Variants in DGKI observed in about 807,000 individuals in gnomAD.
The protein encoded by DGKI is DAG kinase iota.
Under a neutral mutation model 147.5 loss-of-function variants are expected in DGKI, and 55 were observed. The observed-to-expected ratio is 0.37, with a 90% confidence interval of 0.30 to 0.47. The LOEUF is 0.47. Among genes scored for constraint, DGKI ranks in the 20% least tolerant of loss-of-function variants. The pLI is 1.00. For missense variants in DGKI, 1,007 were observed against 1,323.8 expected (o/e 0.76, Z 3.71); for synonymous variants, 469 against 477.1 (o/e 0.98, Z 0.22).
chr7:137,528,864 T>C, intron 20 of DGKI, among the ~76,000 whole-genome samples: 1 of 152,170 alleles, frequency 6.6e-6, no homozygotes, highest in East Asian at 1.9e-4. Context: ...AGTCTAAATT[T>C]TCCTCTCTGC....
chr7:137,493,848 G>C, intron 21 of DGKI: 1 of 697,286 alleles, frequency 1.4e-6, no homozygotes, highest in Non-Finnish European at 2.6e-6. Context: ...TGAAATGACA[G>C]AAATAGAATC....
At chr7:137,520,240 G>A (rs78056004) in intron 21 of DGKI, among the ~76,000 whole-genome samples, 2,138 of 152,118 alleles carry the variant, frequency 0.014, 54 homozygotes, top group African/African-American at 0.047. Flanking sequence ...AGAGTTGATC[G>A]TAAGCTGCAA....
intron 12 of DGKI, among the ~76,000 whole-genome samples, chr7:137,590,079 C>A (rs1337097381): frequency 1.3e-5 from 2 of 148,946 alleles, no homozygotes; most frequent in Non-Finnish European, 3.0e-5. Flanking sequence ...AAAAAAAATA[C>A]AAAGTGGCAG....
intron 17 of DGKI, among the ~76,000 whole-genome samples, chr7:137,573,958 G>T (rs986032292): frequency 2.0e-4 from 31 of 152,198 alleles, no homozygotes; most frequent in Non-Finnish European, 3.2e-4. Context: ...GATGTCAAAG[G>T]CGTAAAGCCT....
rs115512526 is a variant in DGKI, at chr7:137,419,153, G to A, written c.2762-6946C>T. Among the ~76,000 whole-genome samples, 933 of 152,194 alleles carry A rather than the reference G, an allele frequency of 6.1e-3. 9 individuals are homozygous for A. Among genetic ancestry groups the A allele is most frequent in the African/African-American group, 0.022 (903 of 41,508 alleles). On this transcript the variant is annotated intron_variant, in intron 28 of 32. Transcript: ENST00000614521. ...CTGTTTCTCCTCTGTTTAACTTGGA[G>A]CAGGACAGCCAAAAATGAAAATAAC...
intron 20 of DGKI, among the ~76,000 whole-genome samples, chr7:137,542,766 T>C (rs1371953040): frequency 6.6e-6 from 1 of 152,172 alleles, no homozygotes; most frequent in Non-Finnish European, 1.5e-5. Context: ...ACTTTAAATA[T>C]TAAAAATAAA....
intron 29 of DGKI, among the ~76,000 whole-genome samples, chr7:137,408,614 T>A (rs1404052195): frequency 6.6e-6 from 1 of 152,164 alleles, no homozygotes; most frequent in Non-Finnish European, 1.5e-5. Flanking sequence ...AACCTTCTGT[T>A]AATCATCCAA....
intron 23 of DGKI, among the ~76,000 whole-genome samples, chr7:137,478,397 C>A (rs1278585237): frequency 6.6e-6 from 1 of 152,166 alleles, no homozygotes. Context: ...ATAATTCCTG[C>A]ATCACGTCTA....
chr7:137,504,035 A>C (rs1816280202), intron 21 of DGKI, among the ~76,000 whole-genome samples: 1 of 152,172 alleles, frequency 6.6e-6, no homozygotes, highest in Admixed American at 6.6e-5. Context: ...CAAGGAGATG[A>C]GGGGAATCAC....
chr7:137,539,145 G>A (rs939120994), intron 20 of DGKI, among the ~76,000 whole-genome samples: 7 of 152,252 alleles, frequency 4.6e-5, no homozygotes, highest in African/African-American at 1.7e-4. Context: ...CTAAAATTAG[G>A]AGGGAAGAGG....
intron 20 of DGKI, among the ~76,000 whole-genome samples, chr7:137,529,535 T>C (rs1817268353): frequency 6.6e-6 from 1 of 152,198 alleles, no homozygotes; most frequent in Non-Finnish European, 1.5e-5. Context: ...AGCAAAGGTA[T>C]AGAACAAGCA....
rs1813546884 is a variant in DGKI, at chr7:137,442,418, A to G, written c.2761+1659T>C. Among the ~76,000 whole-genome samples the G allele has an allele frequency of 2.0e-5, 3 of 152,204 alleles. No individual in the cohort carries two copies. The South Asian group carries it at 6.2e-4, about 32-fold the overall frequency. On this transcript the variant is annotated intron_variant, in intron 28 of 32. Transcript: ENST00000614521. ...TTCCCTCACCCACCATTTTTGTCTG[A>G]ATGAGGAATAAATTCTCATAGACAG...
intron 1 of DGKI, among the ~76,000 whole-genome samples, chr7:137,785,472 T>C (rs1351170961): frequency 2.6e-5 from 4 of 151,326 alleles, no homozygotes; most frequent in South Asian, 4.2e-4. Context: ...GTGATTGAAA[T>C]AGTAATGTAA....
chr7:137,841,671 G>A (rs895976682), intron 1 of DGKI, among the ~76,000 whole-genome samples: 3 of 152,184 alleles, frequency 2.0e-5, no homozygotes, highest in African/African-American at 7.2e-5. Context: ...CAACTTCAAG[G>A]ATACCTTGGG....
At chr7:137,581,794 A>T (rs1819204453) in intron 15 of DGKI, 56 bp downstream of exon 15, 2 of 1,473,782 alleles carry the variant, frequency 1.4e-6, no homozygotes, top group Non-Finnish European at 1.9e-6. Flanking sequence ...GGGAACATGC[A>T]AAACACCTGC....
intron 18 of DGKI, 52 bp from the exon 19 acceptor site, chr7:137,571,338 C>T (rs1184149641): frequency 4.7e-6 from 6 of 1,286,676 alleles, no homozygotes; most frequent in Non-Finnish European, 4.5e-6. Flanking sequence ...CTTCTCATGA[C>T]TATCATGAGG....
At chr7:137,638,418 G>A (rs1230599688) in intron 6 of DGKI, among the ~76,000 whole-genome samples, 8 of 122,004 alleles carry the variant, frequency 6.6e-5, no homozygotes, top group African/African-American at 2.2e-4. Context: ...CTCTTATCTG[G>A]CAAGAACAAC....
intron 27 of DGKI, among the ~76,000 whole-genome samples, chr7:137,450,210 T>G (rs1170468380): frequency 1.3e-5 from 2 of 152,150 alleles, no homozygotes; most frequent in Non-Finnish European, 2.9e-5. Flanking sequence ...TCAGGAGATT[T>G]ATGGTATAGC....
chr7:137,663,866 G>A (rs1458823760), intron 3 of DGKI, among the ~76,000 whole-genome samples: 1 of 152,136 alleles, frequency 6.6e-6, no homozygotes, highest in African/African-American at 2.4e-5. Context: ...GAAAGGAAAG[G>A]GGGAGGGAAG....
Sources: allele counts gnomAD v4.1 joint callset (sites outside exome capture counted in the v4.1 genomes callset), GRCh38; gene constraint gnomAD v4.1.1; transcripts MANE v1.5; gene names NCBI Gene and HGNC (gene_info 2026-07-23, HGNC 2026-07-21).